PSMB2: variants seen among roughly 807,000 people sequenced by gnomAD.
The protein encoded by PSMB2 is proteasome subunit beta type-2.
A neutral mutation model predicts 25.7 loss-of-function variants in PSMB2; 13 were observed. The observed-to-expected ratio is 0.51, with a 90% confidence interval of 0.33 to 0.80. The LOEUF is 0.80. Ranked by LOEUF, PSMB2 falls within the 30% of genes least tolerant of loss-of-function variation. The pLI is 0.02. For synonymous variants in PSMB2, 87 were observed against 96.2 expected, an observed-to-expected ratio of 0.90 and a Z score of 0.56; for missense variants, 202 against 259.0, an observed-to-expected ratio of 0.78 and a Z score of 1.51.
intron 1 of PSMB2, among the ~76,000 whole-genome samples, chr1:35,637,572 A>C (rs1651278948): frequency 6.6e-6 from 1 of 152,214 alleles, no homozygotes; most frequent in Non-Finnish European, 1.5e-5. Context: ...GTGCTGAATA[A>C]TCCTCCCTGG....
chr1:35,611,909 A>T (rs1650355833), intron 3 of PSMB2, among the ~76,000 whole-genome samples: 1 of 151,982 alleles, frequency 6.6e-6, no homozygotes, highest in Non-Finnish European at 1.5e-5. Context: ...AGGCTCAAGT[A>T]ATCCTTCCAC....
intron 1 of PSMB2, among the ~76,000 whole-genome samples, chr1:35,641,015 A>C (rs542491834): frequency 6.6e-6 from 1 of 152,004 alleles, no homozygotes; most frequent in South Asian, 2.1e-4. Flanking sequence ...ATATGGAGAA[A>C]TCCACATCTC....
At chr1:35,603,399 A>G in intron 5 of PSMB2, 25 bp from the exon 6 acceptor site, 2 of 1,613,048 alleles carry the variant, frequency 1.2e-6, no homozygotes, top group Middle Eastern at 1.7e-4. Context: ...GGAGGAAATC[A>G]GTCAACAAAT....
chr1:35,620,767 C>T (rs138732685), intron 3 of PSMB2, among the ~76,000 whole-genome samples: 2,270 of 151,506 alleles, frequency 0.015, 62 homozygotes, highest in African/African-American at 0.051. Context: ...TGGGTTCAAG[C>T]GATTCTCCTG....
rs1415605978 is a variant in PSMB2 at position 35,604,887 on chromosome 1, G to C, written c.498+346C>G. ...CAGTTAAAGCAGAGCTTCCCAGTTT[G>C]TACCTCAGAACAGTGGACTCAGAAT... On this transcript the variant is annotated intron_variant, in intron 5 of 5. Coordinates refer to ENST00000373237, the MANE Select transcript of PSMB2 (RefSeq NM_002794.5). 2.0e-5 allele frequency among the ~76,000 whole-genome samples: 3 copies of C among 152,342 alleles called. No individual in the cohort carries two copies. In the East Asian group the frequency reaches 5.8e-4, roughly 29 times the overall value.
chr1:35,634,822 T>A (rs1265015747), intron 2 of PSMB2, among the ~76,000 whole-genome samples: 2 of 150,140 alleles, frequency 1.3e-5, no homozygotes, highest in East Asian at 3.9e-4. Flanking sequence ...AGAGACAGAG[T>A]CTTGCTGCCT....
intron 3 of PSMB2, among the ~76,000 whole-genome samples, chr1:35,620,735 A>C (rs1264275759): frequency 1.3e-5 from 2 of 151,372 alleles, no homozygotes; most frequent in Non-Finnish European, 2.9e-5. Context: ...CAAAAAAAAA[A>C]CAAAAAAACC....
At chr1:35,630,544 G>A (rs1651059736) in intron 3 of PSMB2, among the ~76,000 whole-genome samples, 3 of 152,130 alleles carry the variant, frequency 2.0e-5, no homozygotes, top group African/African-American at 7.2e-5. Flanking sequence ...AAAAGACATA[G>A]GGTAACCTTA....
intron 4 of PSMB2, among the ~76,000 whole-genome samples, chr1:35,606,513 C>T (rs938113045): frequency 6.6e-6 from 1 of 152,010 alleles, no homozygotes; most frequent in African/African-American, 2.4e-5. Flanking sequence ...ACCTCTATAA[C>T]GAAAACTATA....
intron 3 of PSMB2, among the ~76,000 whole-genome samples, chr1:35,613,376 G>C (rs890967010): frequency 6.7e-6 from 1 of 149,534 alleles, no homozygotes; most frequent in Non-Finnish European, 1.5e-5. Context: ...TGTCTCTATG[G>C]GAAAAAAAAA....
chr1:35,631,942 T>C (rs1219304995), intron 2 of PSMB2, among the ~76,000 whole-genome samples: 1 of 152,068 alleles, frequency 6.6e-6, no homozygotes, highest in Admixed American at 6.6e-5. Flanking sequence ...AGAGGATCAA[T>C]TGACCCCAGA....
chr1:35,628,596 A>AAAAAAAAAT (rs59538661), intron 3 of PSMB2, among the ~76,000 whole-genome samples: 1 of 25,108 alleles, frequency 4.0e-5, no homozygotes, highest in Non-Finnish European at 7.6e-5. Flanking sequence ...AAAAAAAAAA[A>AAAAAAAAAT]ATATATATAT....
intron 3 of PSMB2, among the ~76,000 whole-genome samples, chr1:35,629,967 G>A (rs1294621326): frequency 2.0e-5 from 3 of 151,994 alleles, no homozygotes; most frequent in Non-Finnish European, 4.4e-5. Flanking sequence ...TCAGGAGTTC[G>A]AGACCAGCCT....
intron 1 of PSMB2, among the ~76,000 whole-genome samples, chr1:35,640,523 C>T (rs562639301): frequency 1.3e-5 from 2 of 152,292 alleles, no homozygotes; most frequent in African/African-American, 2.4e-5. Context: ...AAAGAAGAAT[C>T]GGGAGCCACG....
chr1:35,603,423 T>C, intron 5 of PSMB2, 49 bp from the exon 6 acceptor site: 1 of 1,601,296 alleles, frequency 6.2e-7, no homozygotes, highest in Non-Finnish European at 8.5e-7. Context: ...TACTAAGTTC[T>C]ATGTGCCAGG....
In PSMB2 at chr1:35,599,614, T is replaced by C. The variant is rs1649931257; in HGVS notation, c.*3653A>G. On this transcript the variant is annotated 3_prime_UTR_variant, in exon 6 of 6. Coordinates refer to ENST00000373237, the MANE Select transcript of PSMB2 (RefSeq NM_002794.5). ...GGGGAGTTAGGTTCGGAGAGGATTATGGAATGCCTAGCATGTCAAATCAAA... is the reference window on the plus strand; with the variant it reads ...GGGGAGTTAGGTTCGGAGAGGATTACGGAATGCCTAGCATGTCAAATCAAA... 2.0e-6 allele frequency: 2 copies of C among 984,530 alleles called. No homozygotes were observed. The highest frequency in any genetic ancestry group is 2.4e-6 in the Non-Finnish European group (2 of 829,204). The allele number at this position is 984,530 out of a possible 1,614,324, so 61.0% of individuals were successfully genotyped here.
chr1:35,599,676 C>T lies in PSMB2; in HGVS notation c.*3591G>A, dbSNP rs1051398199. ...TATTCTCTTAAGCCATGGAAAACCACCAGAAAGTTTTAAGGGCAGAGAGGA... is the reference window on the plus strand; with the variant it reads ...TATTCTCTTAAGCCATGGAAAACCATCAGAAAGTTTTAAGGGCAGAGAGGA... On this transcript the variant is annotated 3_prime_UTR_variant, in exon 6 of 6. Transcript: ENST00000373237. 45 of 984,914 alleles carry T rather than the reference C, an allele frequency of 4.6e-5. No individual in the cohort carries two copies. Among genetic ancestry groups the T allele is most frequent in the Non-Finnish European group, 5.3e-5 (44 of 829,720 alleles). The allele number at this position is 984,914 out of a possible 1,614,324, so 61.0% of individuals were successfully genotyped here. A position where few individuals can be genotyped will look rare whatever the true frequency, so the allele number is the denominator to read the frequency against.
chr1:35,633,445 C>G (rs1391135508), intron 2 of PSMB2, among the ~76,000 whole-genome samples: 2 of 151,916 alleles, frequency 1.3e-5, no homozygotes, highest in Non-Finnish European at 2.9e-5. Context: ...CAAAACTGTA[C>G]TTGGCAGGTA....
Position 35,629,524 on chromosome 1 carries a change from G to A in PSMB2, c.285+1750C>T, listed in dbSNP as rs940823522. Among the ~76,000 whole-genome samples, 5 of 152,128 alleles carry A rather than the reference G, an allele frequency of 3.3e-5. No individual in the cohort carries two copies. In the South Asian group the frequency reaches 6.2e-4, roughly 19 times the overall value. ...GTCATAGAAAAACACAGGTAAGTACGCCAGGTACAGTGAGTGGCTCATTCC... is the reference window on the plus strand; with the variant it reads ...GTCATAGAAAAACACAGGTAAGTACACCAGGTACAGTGAGTGGCTCATTCC... On this transcript the variant is annotated intron_variant, in intron 3 of 5. Transcript: ENST00000373237.
Sources: allele counts gnomAD v4.1 joint callset (sites outside exome capture counted in the v4.1 genomes callset), GRCh38; gene constraint gnomAD v4.1.1; transcripts MANE v1.5; gene names NCBI Gene and HGNC (gene_info 2026-07-23, HGNC 2026-07-21).